The following MBD5 variants were observed in gnomAD, a reference collection of about 807,000 sequenced individuals.
The protein encoded by MBD5 is methyl-CpG-binding domain protein 5.
MBD5 carries 13 observed loss-of-function variants against 117.3 expected under a neutral mutation model. The observed-to-expected ratio is 0.11, with a 90% CI of 0.07 to 0.18. The LOEUF is 0.18. Ranked by LOEUF, MBD5 falls within the 10% of genes least tolerant of loss-of-function variation. MBD5 has a pLI of 1.00. For synonymous variants in MBD5, 727 were observed against 766.4 expected, an observed-to-expected ratio of 0.95 and a Z score of 0.85; for missense variants, 1,879 against 2,093.8, an observed-to-expected ratio of 0.90 and a Z score of 2.00.
chr2:148,322,524 C>G (rs906076781), intron 3 of MBD5, among the ~76,000 whole-genome samples: 2 of 152,166 alleles, frequency 1.3e-5, no homozygotes, highest in East Asian at 3.9e-4. Flanking sequence ...CATATTCAGA[C>G]TCCTATTTTT....
At chr2:148,208,487 C>T (rs1462446114) in intron 2 of MBD5, among the ~76,000 whole-genome samples, 1 of 152,034 alleles carries the variant, frequency 6.6e-6, no homozygotes, top group Non-Finnish European at 1.5e-5. Context: ...GAACTCCTGA[C>T]CTCAAGTGAT....
chr2:148,081,522 A>G (rs1695647869), intron 1 of MBD5, among the ~76,000 whole-genome samples: 1 of 152,190 alleles, frequency 6.6e-6, no homozygotes, highest in African/African-American at 2.4e-5. Flanking sequence ...ACTAGCTGAG[A>G]AAGAATATAG....
At chr2:148,200,196 CT>C (rs1699101344) in intron 2 of MBD5, among the ~76,000 whole-genome samples, 1 of 149,020 alleles carries the variant, frequency 6.7e-6, no homozygotes, top group South Asian at 2.2e-4. Context: ...TTTTTCCCCC[CT>C]AAGATTTAAA....
rs546690602 is a variant in MBD5 at position 148,342,885 on chromosome 2, A to G, written c.-557+549A>G. Among the ~76,000 whole-genome samples, 3 of 152,064 alleles carry G rather than the reference A, an allele frequency of 2.0e-5. No individual in the cohort carries two copies. In the South Asian group the frequency reaches 6.2e-4, roughly 32 times the overall value. On this transcript the variant is annotated intron_variant, in intron 4 of 13. Coordinates refer to ENST00000642680, the MANE Select transcript of MBD5 (RefSeq NM_001378120.1). ...TGATCTCCTCATGCAGGTACTGAGC[A>G]TAGTGCCTAGCAGTCAGTTTTTCAA...
intron 2 of MBD5, among the ~76,000 whole-genome samples, chr2:148,183,832 C>T (rs1048347653): frequency 3.9e-5 from 6 of 151,938 alleles, no homozygotes; most frequent in Non-Finnish European, 5.9e-5. Flanking sequence ...GTCATCATAG[C>T]CTCATAGTTG....
At chr2:148,379,079 G>T (rs911032099) in intron 4 of MBD5, among the ~76,000 whole-genome samples, 16 of 152,044 alleles carry the variant, frequency 1.1e-4, no homozygotes, top group African/African-American at 3.6e-4. Flanking sequence ...TAGAGCAAAT[G>T]AAAGAAAGAT....
At chr2:148,266,825 C>T (rs1700871560) in intron 3 of MBD5, among the ~76,000 whole-genome samples, 1 of 152,072 alleles carries the variant, frequency 6.6e-6, no homozygotes, top group Non-Finnish European at 1.5e-5. Context: ...GACATTTAAA[C>T]AAATAGACTG....
intron 4 of MBD5, among the ~76,000 whole-genome samples, chr2:148,383,760 C>T (rs1466398486): frequency 1.3e-5 from 2 of 152,128 alleles, no homozygotes; most frequent in African/African-American, 2.4e-5. Flanking sequence ...AGCTTATCCA[C>T]CATGATGAAG....
chr2:148,181,445 C>T (rs1252228961), intron 2 of MBD5, among the ~76,000 whole-genome samples: 1 of 152,158 alleles, frequency 6.6e-6, no homozygotes. Context: ...TCAGATGCGT[C>T]CCCACATAAA....
intron 1 of MBD5, chr2:148,055,999 T>C (rs1192780429): frequency 6.6e-6 from 1 of 152,190 alleles, no homozygotes; most frequent in Non-Finnish European, 1.5e-5. Flanking sequence ...ATGGAATTGA[T>C]CTAATTATTA....
chr2:148,415,912 T>G (rs1705402922), intron 4 of MBD5, among the ~76,000 whole-genome samples: 1 of 152,220 alleles, frequency 6.6e-6, no homozygotes, highest in Non-Finnish European at 1.5e-5. Flanking sequence ...CAACTTCTCC[T>G]GAATCTCAAT....
chr2:148,200,649 C>T lies in MBD5; in HGVS notation c.-831+21856C>T, dbSNP rs190805741. Among the ~76,000 whole-genome samples the T allele has an allele frequency of 1.5e-4, 23 of 150,210 alleles. No individual in the cohort carries two copies. In the East Asian group the frequency reaches 2.0e-3, roughly 13 times the overall value. The stretch of plus-strand genomic sequence containing the variant: ...CAGAGCTTGCAGTGAGCCGATATCA[C>T]GCCACTTCGCTCCAGCCTGGGTGAC... On this transcript the variant is annotated intron_variant, in intron 2 of 13. Transcript: ENST00000642680.
intron 4 of MBD5, among the ~76,000 whole-genome samples, chr2:148,345,225 C>A (rs114355052): frequency 0.11 from 17,096 of 150,352 alleles, 1,302 homozygotes; most frequent in Non-Finnish European, 0.18. Flanking sequence ...TATACACACA[C>A]ACATATATAT....
chr2:148,499,448 A>C (rs1273267866), intron 11 of MBD5, among the ~76,000 whole-genome samples: 1 of 152,254 alleles, frequency 6.6e-6, no homozygotes, highest in Admixed American at 6.5e-5. Context: ...CATCATTGCT[A>C]TCAGCATGAA....
intron 3 of MBD5, among the ~76,000 whole-genome samples, chr2:148,272,606 C>T (rs951425389): frequency 1.3e-5 from 2 of 152,040 alleles, no homozygotes; most frequent in Non-Finnish European, 2.9e-5. Flanking sequence ...CTATTCAGGT[C>T]CTTTGCGCAC....
chr2:148,042,909 T>C (rs1258997716), intron 1 of MBD5, among the ~76,000 whole-genome samples: 47 of 152,174 alleles, frequency 3.1e-4, no homozygotes, highest in Non-Finnish European at 4.4e-5. Context: ...AATGTAGCCT[T>C]TACCCTTTTT....
At chr2:148,226,983 G>T (rs1482079519) in intron 2 of MBD5, among the ~76,000 whole-genome samples, 1 of 152,080 alleles carries the variant, frequency 6.6e-6, no homozygotes, top group East Asian at 1.9e-4. Flanking sequence ...TTGTAAATTT[G>T]TTTGAGTTAA....
chr2:148,183,233 A>C (rs949487629), intron 2 of MBD5, among the ~76,000 whole-genome samples: 1 of 152,046 alleles, frequency 6.6e-6, no homozygotes, highest in African/African-American at 2.4e-5. Context: ...TTTGATATAT[A>C]GTATGTATCT....
intron 3 of MBD5, among the ~76,000 whole-genome samples, chr2:148,262,483 G>A (rs1700754578): frequency 6.6e-6 from 1 of 152,070 alleles, no homozygotes; most frequent in South Asian, 2.1e-4. Flanking sequence ...CTCTACAAGA[G>A]CTTTATGTTC....
Sources: gnomAD v4.1 joint callset for allele counts (sites outside exome capture counted in the v4.1 genomes callset) on GRCh38, gnomAD v4.1.1 for gene constraint, MANE v1.5 for transcripts, NCBI Gene and HGNC (gene_info 2026-07-23, HGNC 2026-07-21) for gene names.